Variants in MMP14 observed in about 807,000 individuals in gnomAD.
MMP14 encodes the protein matrix metallopeptidase 14.
Under a neutral mutation model 64.8 loss-of-function variants are expected in MMP14, and 13 were observed. That is an observed-to-expected ratio of 0.20 (90% CI 0.13 to 0.32). The LOEUF is 0.32. Ranked by LOEUF, MMP14 falls within the 10% of genes least tolerant of loss-of-function variation. The probability of loss-of-function intolerance (pLI) is 1.00; values close to 1 mark genes in which losing one functional copy is unlikely to be tolerated. For missense variants in MMP14, 594 were observed against 783.8 expected, an observed-to-expected ratio of 0.76 and a Z score of 2.89; for synonymous variants, 322 against 315.9, an observed-to-expected ratio of 1.02 and a Z score of -0.20.
At position 22,841,987 on chromosome 14, in the gene MMP14, G is replaced by A. The variant is rs1284390443; in HGVS notation, c.332G>A (p.Arg111His). ...AEIKANVRRK[R>H]YAIQGLKWQH... ...ATCAAGGCCAATGTTCGAAGGAAGCGCTACGCCATCCAGGGTCTCAAATGG... is the reference window on the plus strand; with the variant it reads ...ATCAAGGCCAATGTTCGAAGGAAGCACTACGCCATCCAGGGTCTCAAATGG... The change falls in exon 3 of 10, where the codon CGC becomes CAC. Residue 111 changes from arginine to histidine, a missense_variant. Arg to His is a conservative substitution (Grantham distance 29). Coordinates refer to ENST00000311852, the MANE Select transcript of MMP14 (RefSeq NM_004995.4). The A allele has an allele frequency of 3.7e-6, 6 of 1,614,224 alleles. No individual in the cohort carries two copies. The highest frequency in any genetic ancestry group is 2.2e-5 in the East Asian group (1 of 44,882).
intron 1 of MMP14, among the ~76,000 whole-genome samples, chr14:22,841,234 C>G (rs1237640467): frequency 6.6e-6 from 1 of 152,250 alleles, no homozygotes; most frequent in Non-Finnish European, 1.5e-5. Flanking sequence ...CCAGGGCTCT[C>G]TCTCATTTTC....
Position 22,842,452 on chromosome 14 carries a change from C to T in MMP14, c.423C>T (p.Tyr141=), listed in dbSNP as rs2039779754. The T allele has an allele frequency of 5.0e-6, 8 of 1,613,896 alleles. No homozygotes were observed. Among genetic ancestry groups the T allele is most frequent in the Non-Finnish European group, 6.8e-6 (8 of 1,179,970 alleles). ...CCAAGGTGGGCGAGTATGCCACATA[C>T]GAGGCCATTCGCAAGGCGTTCCGCG... ...YTPKVGEYAT[Y]EAIRKAFRVW... The change falls in exon 4 of 10, where the codon TAC becomes TAT. Residue 141 remains tyrosine (Y), a synonymous_variant. Coordinates refer to ENST00000311852, the MANE Select transcript of MMP14 (RefSeq NM_004995.4). This position sits in a 1 kb window ranked among gnomAD's most constrained non-coding sequence, Gnocchi z 5.3.
At position 22,836,824 on chromosome 14, in the gene MMP14, C is replaced by T; in HGVS notation, c.7C>T (p.Pro3Ser). The T allele has an allele frequency of 1.2e-6, 2 of 1,601,986 alleles. No individual in the cohort carries two copies. Among genetic ancestry groups the T allele is most frequent in the Middle Eastern group, 1.7e-4 (1 of 6,008 alleles). MS[P>S]APRPPRCLLL... The stretch of plus-strand genomic sequence containing the variant: ...GACCCGGTGGTCTCGGACCATGTCT[C>T]CCGCCCCAAGACCCCCCCGTTGTCT... Residue 3 changes from proline (P) to serine (S), a missense_variant, in exon 1 of 10, where the codon CCC (proline) becomes TCC (serine). Pro to Ser is a moderately conservative substitution (Grantham distance 74, BLOSUM62 -1). Around this residue, in one of 4 missense-constraint regions of MMP14, gnomAD observed 45 missense variants for 48.8 expected, o/e 0.92. Transcript: ENST00000311852.
In MMP14 at chr14:22,842,379, C is replaced by T; in HGVS notation, c.381-31C>T. On this transcript the variant is annotated intron_variant, in intron 3 of 9. Transcript: ENST00000311852. This position sits in a 1 kb window ranked among gnomAD's most constrained non-coding sequence, Gnocchi z 5.3. ...GTTGCCCCTCTTTATCCTAACACACCCCATCCTCTCCCCACGTGGCTGGAC... is the reference window on the plus strand; with the variant it reads ...GTTGCCCCTCTTTATCCTAACACACTCCATCCTCTCCCCACGTGGCTGGAC... The T allele has an allele frequency of 6.3e-7, 1 of 1,589,140 alleles. No homozygotes were observed.
intron 1 of MMP14, 107 bp downstream of exon 1, chr14:22,837,032 C>T (rs1259547939): frequency 2.4e-6 from 2 of 823,066 alleles, no homozygotes; most frequent in Non-Finnish European, 4.0e-6. Flanking sequence ...TTGGGATCTC[C>T]GCTGCTCAGG....
chr14:22,837,136 C>A (rs1366242332), intron 1 of MMP14: 2 of 690,010 alleles, frequency 2.9e-6, no homozygotes, highest in South Asian at 1.5e-5. Flanking sequence ...CTGCCCCCAC[C>A]CCCTGCGCCG....
intron 8 of MMP14, 137 bp from the exon 9 acceptor site, chr14:22,845,114 A>G (rs2039802739): frequency 3.0e-6 from 2 of 663,326 alleles, no homozygotes; most frequent in South Asian, 3.7e-5. Flanking sequence ...TTTCAGCAGC[A>G]GGTCCTCATT....
chr14:22,839,426 G>T (rs1414674721), intron 1 of MMP14, among the ~76,000 whole-genome samples: 1 of 152,248 alleles, frequency 6.6e-6, no homozygotes, highest in Non-Finnish European at 1.5e-5. Flanking sequence ...GGTGTGGACT[G>T]CTTGGCTCCC....
Position 22,844,405 on chromosome 14 carries a change from T to G in MMP14, c.1046T>G (p.Val349Gly). The G allele has an allele frequency of 6.2e-7, 1 of 1,613,990 alleles. No individual in the cohort carries two copies. Among genetic ancestry groups the G allele is most frequent in the Non-Finnish European group, 8.5e-7 (1 of 1,179,956 alleles). Residue 349 changes from valine (V) to glycine (G), a missense_variant, in exon 7 of 10, where the codon GTG (valine) becomes GGG (glycine). By Grantham distance (109) the Val-to-Gly change is moderately radical. This residue lies in a region of MMP14 where 364 missense variants were observed against 425.2 expected (regional missense o/e 0.86). Coordinates refer to ENST00000311852, the MANE Select transcript of MMP14 (RefSeq NM_004995.4). Reference protein sequence around the residue: ...RWFWRVRNNQVMDGYPMPIGQ... With the variant: ...RWFWRVRNNQGMDGYPMPIGQ... The stretch of plus-strand genomic sequence containing the variant: ...TTCTGGCGGGTGAGGAATAACCAAG[T>G]GATGGATGGATACCCAATGCCCATT...
intron 1 of MMP14, among the ~76,000 whole-genome samples, chr14:22,840,560 G>A (rs2039765909): frequency 6.6e-6 from 1 of 151,196 alleles, no homozygotes; most frequent in South Asian, 2.1e-4. Context: ...CCAGGCTGGA[G>A]TGCAGTGGCG....
chr14:22,841,719 C>T, intron 2 of MMP14, 80 bp downstream of exon 2: 1 of 1,584,980 alleles, frequency 6.3e-7, no homozygotes, highest in Non-Finnish European at 8.6e-7. Flanking sequence ...ACCTGAATGC[C>T]TGGCTTGTGC....
chr14:22,841,281 G>T (rs1231806695), intron 1 of MMP14, among the ~76,000 whole-genome samples: 3 of 152,232 alleles, frequency 2.0e-5, no homozygotes, highest in African/African-American at 7.2e-5. Context: ...TGGGCCCATA[G>T]CCCCGAGGGG....
intron 1 of MMP14, 122 bp downstream of exon 1, chr14:22,837,047 C>A: frequency 2.7e-6 from 2 of 751,982 alleles, no homozygotes; most frequent in South Asian, 1.6e-5. Context: ...CTCAGGCCTG[C>A]AGGATTCCCC....
Position 22,842,762 on chromosome 14 carries a change from T to C in MMP14, c.688+45T>C. 1 of 1,546,902 alleles carries C rather than the reference T, an allele frequency of 6.5e-7. No homozygotes were observed. The highest frequency in any genetic ancestry group is 8.8e-7 in the Non-Finnish European group (1 of 1,142,732). On this transcript the variant is annotated intron_variant, in intron 4 of 9. Transcript: ENST00000311852. This position sits in a 1 kb window ranked among gnomAD's most constrained non-coding sequence, Gnocchi z 5.3. ...GACTTACTCTGGAAAAAGCCAACAG[T>C]CATTTGTAGGGGTGGTTCCCCTCCC... is the stretch of plus-strand genomic sequence containing the variant.
intron 9 of MMP14, 24 bp downstream of exon 9, chr14:22,845,390 C>T (rs770980079): frequency 7.2e-6 from 11 of 1,523,392 alleles, no homozygotes; most frequent in South Asian, 1.2e-5. Flanking sequence ...GGGAAGGTGT[C>T]GCTGAGAGAA....
intron 9 of MMP14, 62 bp downstream of exon 9, chr14:22,845,428 C>A: frequency 1.6e-6 from 2 of 1,267,370 alleles, no homozygotes; most frequent in Non-Finnish European, 1.1e-6. Context: ...TGAGGAAGAG[C>A]GGGAGGGAAG....
chr14:22,836,802 C>T lies in MMP14; in HGVS notation c.-16C>T. Reference sequence around the variant, plus strand: ...GCGGAGCCCACACTGCCCGGCTGACCCGGTGGTCTCGGACCATGTCTCCCG... The same window carrying T: ...GCGGAGCCCACACTGCCCGGCTGACTCGGTGGTCTCGGACCATGTCTCCCG... On this transcript the variant is annotated 5_prime_UTR_variant, in exon 1 of 10. Transcript: ENST00000311852. 1 of 1,554,616 alleles carries T rather than the reference C, an allele frequency of 6.4e-7. No homozygotes were observed. The highest frequency in any genetic ancestry group is 8.8e-7 in the Non-Finnish European group (1 of 1,136,766).
At chr14:22,839,964 T>G (rs2039761681) in intron 1 of MMP14, among the ~76,000 whole-genome samples, 4 of 52,944 alleles carry the variant, frequency 7.6e-5, no homozygotes, top group Admixed American at 1.5e-4. Context: ...TTGTTTTACT[T>G]TTTTTTTTTT....
chr14:22,840,985 T>C (rs1475802522), intron 1 of MMP14, among the ~76,000 whole-genome samples: 1 of 152,234 alleles, frequency 6.6e-6, no homozygotes, highest in Non-Finnish European at 1.5e-5. Context: ...TCTGCCCTCC[T>C]TTCTAAAAAG....
Sources: allele counts gnomAD v4.1 joint callset (sites outside exome capture counted in the v4.1 genomes callset), GRCh38; gene constraint gnomAD v4.1.1; regional missense constraint gnomAD v4.1.1; non-coding constraint Gnocchi (gnomAD v3.1); transcripts MANE v1.5; gene names NCBI Gene and HGNC (gene_info 2026-07-23, HGNC 2026-07-21).